Variants in LRRC3B observed in about 807,000 individuals in gnomAD.
LRRC3B encodes the protein leucine-rich repeat-containing protein 3B.
A neutral mutation model predicts 12.8 loss-of-function variants in LRRC3B; 2 were observed. The ratio of observed to expected loss-of-function variants is 0.16; its 90% CI spans 0.06 to 0.49. The LOEUF (loss-of-function observed/expected upper bound fraction) is 0.49, where lower values mean the gene tolerates loss of function less well. LRRC3B is among the 20% of genes least tolerant of loss of function. The pLI is 0.96. For missense variants in LRRC3B, 189 were observed against 319.4 expected (o/e 0.59, Z 3.11); for synonymous variants, 132 against 122.0 (o/e 1.08, Z -0.54).
intron 1 of LRRC3B, among the ~76,000 whole-genome samples, chr3:26,636,972 T>TTCTTTCTC (rs1559350466): frequency 7.9e-5 from 6 of 76,140 alleles, no homozygotes; most frequent in Admixed American, 1.7e-4. Flanking sequence ...CTTTCTTTCT[T>TTCTTTCTC]TCTCTCTCTC....
At chr3:26,668,139 A>G (rs1575142961) in intron 1 of LRRC3B, among the ~76,000 whole-genome samples, 1 of 152,172 alleles carries the variant, frequency 6.6e-6, no homozygotes, top group African/African-American at 2.4e-5. Flanking sequence ...TACACGGGGA[A>G]TACAGAGTAG....
chr3:26,707,049 T>A lies in LRRC3B; in HGVS notation c.-160-2464T>A, dbSNP rs142400872. 8.2e-3 allele frequency among the ~76,000 whole-genome samples: 1,250 copies of A among 152,156 alleles called. 9 individuals are homozygous for A. The highest frequency in any genetic ancestry group is 0.013 in the Non-Finnish European group (913 of 67,990). On this transcript the variant is annotated intron_variant, in intron 1 of 1. Coordinates refer to ENST00000396641, the Ensembl canonical transcript of LRRC3B. ...AAACTATGGCTAAAAAGCATCGAAC[T>A]TTTACTACCAATTTCGTACTGTGCT...
chr3:26,655,398 A>G (rs1036657577), intron 1 of LRRC3B, among the ~76,000 whole-genome samples: 1 of 152,190 alleles, frequency 6.6e-6, no homozygotes, highest in African/African-American at 2.4e-5. Context: ...TAATGTCTAT[A>G]TCTTGAGTTA....
chr3:26,636,976 C>CTTTCTTTCTT (rs1559350481), intron 1 of LRRC3B, among the ~76,000 whole-genome samples: 22 of 112,162 alleles, frequency 2.0e-4, no homozygotes, highest in East Asian at 9.6e-4. Flanking sequence ...CTTTCTTTCT[C>CTTTCTTTCTT]TCTCTCTCTT....
intron 1 of LRRC3B, among the ~76,000 whole-genome samples, chr3:26,683,703 C>A (rs1033773425): frequency 2.6e-5 from 4 of 152,236 alleles, no homozygotes; most frequent in African/African-American, 9.6e-5. Context: ...CTCCACCACT[C>A]TGTTCAGCCC....
intron 1 of LRRC3B, among the ~76,000 whole-genome samples, chr3:26,626,122 A>T (rs543364574): frequency 6.6e-6 from 1 of 152,178 alleles, no homozygotes; most frequent in Non-Finnish European, 1.5e-5. Context: ...CCCTGTGACT[A>T]GAGTATTAGG....
chr3:26,651,616 T>C (rs544716801), intron 1 of LRRC3B, among the ~76,000 whole-genome samples: 1 of 152,338 alleles, frequency 6.6e-6, no homozygotes, highest in African/African-American at 2.4e-5. Context: ...AATGAATGAA[T>C]GAATGAATGA....
chr3:26,652,754 T>C (rs546309218), intron 1 of LRRC3B, among the ~76,000 whole-genome samples: 1 of 152,318 alleles, frequency 6.6e-6, no homozygotes, highest in South Asian at 2.1e-4. Flanking sequence ...GTCAACTTTT[T>C]AAAAAGTACA....
At chr3:26,704,026 G>T (rs999566773) in intron 1 of LRRC3B, among the ~76,000 whole-genome samples, 3 of 151,812 alleles carry the variant, frequency 2.0e-5, no homozygotes, top group Non-Finnish European at 4.4e-5. Context: ...AAATAAAAAG[G>T]CAATTCCTCT....
chr3:26,703,127 T>C, intron 1 of LRRC3B, among the ~76,000 whole-genome samples: 1 of 152,130 alleles, frequency 6.6e-6, no homozygotes, highest in Non-Finnish European at 1.5e-5. Flanking sequence ...ATTAGCCCTG[T>C]CCCAACTCTC....
intron 1 of LRRC3B, among the ~76,000 whole-genome samples, chr3:26,626,608 TA>T (rs1324760200): frequency 6.6e-6 from 1 of 152,196 alleles, no homozygotes; most frequent in African/African-American, 2.4e-5. Flanking sequence ...TTTAACATCT[TA>T]AAATTAATTA....
intron 1 of LRRC3B, among the ~76,000 whole-genome samples, chr3:26,635,658 A>G (rs1698853093): frequency 6.6e-6 from 1 of 152,238 alleles, no homozygotes; most frequent in Non-Finnish European, 1.5e-5. Flanking sequence ...CAACCAGTCT[A>G]TGGCAATTTG....
chr3:26,676,190 G>T (rs1206015566), intron 1 of LRRC3B, among the ~76,000 whole-genome samples: 1 of 151,536 alleles, frequency 6.6e-6, no homozygotes, highest in South Asian at 2.1e-4. Context: ...CCATTAACTT[G>T]TCATTTAGCA....
Position 26,650,139 on chromosome 3 carries a change from A to G in LRRC3B, c.-161+26902A>G, listed in dbSNP as rs1699236739. Among the ~76,000 whole-genome samples, 4 of 152,316 alleles carry G rather than the reference A, an allele frequency of 2.6e-5. No individual in the cohort carries two copies. In the South Asian group the frequency reaches 8.3e-4, roughly 32 times the overall value. On this transcript the variant is annotated intron_variant, in intron 1 of 1. Transcript: ENST00000396641. ...TACAAAAAACTTAAAGTCTAAGACC[A>G]TGTCTCATAGCTTTGTGTGTCTCCA...
At chr3:26,649,917 G>C (rs1699229874) in intron 1 of LRRC3B, among the ~76,000 whole-genome samples, 1 of 151,764 alleles carries the variant, frequency 6.6e-6, no homozygotes, top group Non-Finnish European at 1.5e-5. Flanking sequence ...GCCCCCACTT[G>C]GAACTTTCTC....
chr3:26,623,741 C>G (rs1356095962), intron 1 of LRRC3B: 3 of 152,334 alleles, frequency 2.0e-5, no homozygotes, highest in Admixed American at 1.3e-4. Flanking sequence ...TGCGGCCACC[C>G]CTGAAGCTTC....
At chr3:26,680,189 C>T (rs1699942930) in intron 1 of LRRC3B, among the ~76,000 whole-genome samples, 1 of 152,178 alleles carries the variant, frequency 6.6e-6, no homozygotes. Flanking sequence ...TATTACAAAG[C>T]CCGCCCGACA....
intron 1 of LRRC3B, among the ~76,000 whole-genome samples, chr3:26,682,258 A>G (rs1019997885): frequency 3.3e-5 from 5 of 152,018 alleles, no homozygotes; most frequent in Non-Finnish European, 7.4e-5. Flanking sequence ...CTCTTGTCCA[A>G]CTGTTTTTCA....
intron 1 of LRRC3B, among the ~76,000 whole-genome samples, chr3:26,669,357 G>A (rs1449222451): frequency 6.6e-6 from 1 of 152,078 alleles, no homozygotes; most frequent in East Asian, 1.9e-4. Flanking sequence ...CATTACGATG[G>A]AGTGAACTGA....
Sources: allele counts gnomAD v4.1 joint callset (sites outside exome capture counted in the v4.1 genomes callset), GRCh38; gene constraint gnomAD v4.1.1; transcripts MANE v1.5; gene names NCBI Gene and HGNC (gene_info 2026-07-23, HGNC 2026-07-21).